KATNAL2: variants seen among roughly 807,000 people sequenced by gnomAD.
KATNAL2 encodes the protein katanin catalytic subunit A1 like 2.
A neutral mutation model predicts 76.3 loss-of-function variants in KATNAL2; 52 were observed. That is an observed-to-expected ratio of 0.68 (90% confidence interval 0.55 to 0.86). The LOEUF (loss-of-function observed/expected upper bound fraction) is 0.86, where lower values mean the gene tolerates loss of function less well. KATNAL2 is among the 40% of genes least tolerant of loss of function. KATNAL2 has a pLI of 0.00. For synonymous variants in KATNAL2, 243 were observed against 244.2 expected, an observed-to-expected ratio of 1.00 and a Z score of 0.05; for missense variants, 660 against 668.9, an observed-to-expected ratio of 0.99 and a Z score of 0.15.
intron 4 of KATNAL2, among the ~76,000 whole-genome samples, chr18:47,048,996 G>A (rs536833855): frequency 3.8e-4 from 58 of 151,956 alleles, no homozygotes; most frequent in African/African-American, 1.3e-3. Flanking sequence ...CACCAAGCCC[G>A]GCTAATTGTT....
rs970547642 is a variant in KATNAL2, at chr18:47,035,345, G to A, written c.52-11112G>A. ...GCTGCGGGACAGGAAGTCTGGGGTGGCCGGTCCTCGCTGCCCGGTCGCCAG... is the reference window on the plus strand; with the variant it reads ...GCTGCGGGACAGGAAGTCTGGGGTGACCGGTCCTCGCTGCCCGGTCGCCAG... On this transcript the variant is annotated intron_variant, in intron 3 of 17. Transcript: ENST00000683218. The A allele has an allele frequency of 4.4e-6, 7 of 1,600,054 alleles. No homozygotes were observed. In the African/African-American group the frequency reaches 9.4e-5, roughly 21 times the overall value.
chr18:47,032,805 T>A, intron 3 of KATNAL2: 1 of 943,802 alleles, frequency 1.1e-6, no homozygotes, highest in South Asian at 1.7e-5. Context: ...TCTGAGGTGT[T>A]CTCCAAGCTG....
intron 16 of KATNAL2, 91 bp downstream of exon 16, chr18:47,099,496 TTGAGACACTTAGAA>T (rs1295419746): frequency 8.0e-7 from 1 of 1,248,580 alleles, no homozygotes; most frequent in Admixed American, 2.8e-5. Context: ...TGATAGAAGC[TTGAGACACTTAGAA>T]TAAGATCCAA....
rs1055141486 is a variant in KATNAL2 at position 47,063,297 on chromosome 18, A to C, written c.662A>C (p.Lys221Thr). 4.3e-6 allele frequency: 7 copies of C among 1,613,704 alleles called. No homozygotes were observed. In the Admixed American group the frequency reaches 1.0e-4, roughly 23 times the overall value. Residue 221 changes from lysine (K) to threonine (T), a missense_variant, in exon 10 of 18, where the codon AAA becomes ACA. By Grantham distance (78) the Lys-to-Thr change is moderately conservative. Coordinates refer to ENST00000683218, the MANE Select transcript of KATNAL2 (RefSeq NM_001387690.1). ...HNPDPSERLLKPLSAFIGMNS... is the reference protein window; with the variant it reads ...HNPDPSERLLTPLSAFIGMNS... Reference sequence around the variant, plus strand: ...TCCTCTCATCAGGAACGACTGCTGAAACCTCTGAGTGCATTTATTGGCATG... The same window carrying C: ...TCCTCTCATCAGGAACGACTGCTGACACCTCTGAGTGCATTTATTGGCATG...
chr18:47,098,816 C>G (rs1424165086), intron 15 of KATNAL2: 1 of 162,446 alleles, frequency 6.2e-6, no homozygotes, highest in Non-Finnish European at 1.3e-5. Context: ...AACTTATTGT[C>G]AGCAATAATT....
chr18:47,067,954 G>A (rs2061865956), intron 11 of KATNAL2, among the ~76,000 whole-genome samples: 1 of 152,214 alleles, frequency 6.6e-6, no homozygotes, highest in Non-Finnish European at 1.5e-5. Flanking sequence ...CGGCCAAGGT[G>A]TCTCTCCATG....
chr18:46,958,396 A>T (rs1275586811), intron 3 of KATNAL2, among the ~76,000 whole-genome samples: 1 of 152,184 alleles, frequency 6.6e-6, no homozygotes, highest in Non-Finnish European at 1.5e-5. Flanking sequence ...AATAATAAAT[A>T]ATCTAGTACA....
intron 1 of KATNAL2, among the ~76,000 whole-genome samples, chr18:46,927,984 G>A (rs542053913): frequency 9.2e-5 from 14 of 152,146 alleles, no homozygotes; most frequent in South Asian, 4.2e-4. Flanking sequence ...TTATCCATTC[G>A]TCTAATTTTT....
At chr18:46,949,556 A>G (rs2059488197) in intron 3 of KATNAL2, among the ~76,000 whole-genome samples, 1 of 152,190 alleles carries the variant, frequency 6.6e-6, no homozygotes, top group South Asian at 2.1e-4. Context: ...TTAATGCTTA[A>G]CTTTTGAATG....
At position 47,036,681 on chromosome 18, in the gene KATNAL2, T is replaced by C. The variant is rs967224837; in HGVS notation, c.52-9776T>C. Among the ~76,000 whole-genome samples, 12 of 152,252 alleles carry C rather than the reference T, an allele frequency of 7.9e-5. No individual in the cohort carries two copies. The East Asian group carries it at 2.1e-3, about 27-fold the overall frequency. On this transcript the variant is annotated intron_variant, in intron 3 of 17. Transcript: ENST00000683218. Reference sequence around the variant, plus strand: ...ATCTGGATCGGACTTTAATTTTCAGTGACAATTATTAAAACAGGATCATTT... The same window carrying C: ...ATCTGGATCGGACTTTAATTTTCAGCGACAATTATTAAAACAGGATCATTT...
intron 15 of KATNAL2, among the ~76,000 whole-genome samples, chr18:47,080,014 G>T (rs1330145605): frequency 6.6e-6 from 1 of 152,118 alleles, no homozygotes; most frequent in Non-Finnish European, 1.5e-5. Flanking sequence ...GATGACCTCT[G>T]CCTGAATCAG....
intron 3 of KATNAL2, 98 bp from the exon 4 acceptor site, chr18:47,046,359 C>A: frequency 1.3e-6 from 1 of 781,542 alleles, no homozygotes; most frequent in Admixed American, 2.2e-5. Context: ...AGTCATGCTG[C>A]TTGGCTTTGA....
intron 15 of KATNAL2, among the ~76,000 whole-genome samples, chr18:47,080,048 T>C (rs1275792951): frequency 6.6e-6 from 1 of 152,222 alleles, no homozygotes; most frequent in Non-Finnish European, 1.5e-5. Context: ...GGTACAAGTC[T>C]ATCATTTCCT....
rs540795966 is a variant in KATNAL2 at position 46,940,790 on chromosome 18, G to A, written c.-509-5267G>A. Among the ~76,000 whole-genome samples the A allele has an allele frequency of 5.9e-5, 9 of 152,312 alleles. No individual in the cohort carries two copies. In the East Asian group the frequency reaches 1.2e-3, roughly 20 times the overall value. ...CATAATCCCAGCATTTTGGGAGGCC[G>A]AGTTGGGACAATCACTTGAGGCCAG... On this transcript the variant is annotated intron_variant, in intron 1 of 17. Coordinates refer to ENST00000683218, the MANE Select transcript of KATNAL2 (RefSeq NM_001387690.1).
At chr18:47,031,010 TCTC>T (rs1359083170) in intron 3 of KATNAL2, among the ~76,000 whole-genome samples, 112 of 6,548 alleles carry the variant, frequency 0.017, 11 homozygotes, top group African/African-American at 0.049. Flanking sequence ...CCCTCTAGCA[TCTC>T]CCCCCCCCCC....
intron 1 of KATNAL2, among the ~76,000 whole-genome samples, chr18:46,945,684 G>T (rs1427826677): frequency 6.6e-6 from 1 of 152,206 alleles, no homozygotes; most frequent in African/African-American, 2.4e-5. Context: ...GCAAATTGGG[G>T]CATTAATAAC....
intron 13 of KATNAL2, among the ~76,000 whole-genome samples, chr18:47,074,290 AT>A (rs1327979126): frequency 2.6e-5 from 4 of 152,128 alleles, no homozygotes; most frequent in African/African-American, 4.8e-5. Context: ...AAGGTGAGGT[AT>A]TTCCTGTTCA....
intron 15 of KATNAL2, 82 bp from the exon 16 acceptor site, chr18:47,099,161 G>C: frequency 1.1e-5 from 15 of 1,406,332 alleles, no homozygotes; most frequent in Non-Finnish European, 1.5e-5. Flanking sequence ...TTCCTGCAAT[G>C]CTAAATTGTT....
chr18:47,069,238 G>A lies in KATNAL2; in HGVS notation c.844G>A (p.Gly282Arg). ...TCCTTAGTATCCACAGCTATTTACA[G>A]GAATTCTTTCTCCCTGGAAAGGACT... ...YPIRYPQLFT[G>R]ILSPWKGLLL... is the part of the protein sequence containing the mutation. Residue 282 changes from glycine to arginine, a missense_variant, in exon 12 of 18, where the codon GGA (glycine) becomes AGA (arginine). By Grantham distance (125) the Gly-to-Arg change is moderately radical (BLOSUM62 -2). Coordinates refer to ENST00000683218, the MANE Select transcript of KATNAL2 (RefSeq NM_001387690.1). 6.2e-7 allele frequency: 1 copy of A among 1,611,250 alleles called. No individual in the cohort carries two copies. The highest frequency in any genetic ancestry group is 1.3e-5 in the African/African-American group (1 of 74,816).
Sources: allele counts gnomAD v4.1 joint callset (sites outside exome capture counted in the v4.1 genomes callset), GRCh38; gene constraint gnomAD v4.1.1; transcripts MANE v1.5; gene names NCBI Gene and HGNC (gene_info 2026-07-23, HGNC 2026-07-21).